Variants in SNX10 observed in about 807,000 individuals in gnomAD.
SNX10 encodes sorting nexin 10.
Under a neutral mutation model 28.5 loss-of-function variants are expected in SNX10, and 25 were observed. That is an observed-to-expected ratio of 0.88 (90% CI 0.64 to 1.22). The LOEUF is 1.22. SNX10 is among the 50% of genes most tolerant of loss of function. The pLI is 0.00. For missense variants in SNX10, 223 were observed against 242.6 expected (o/e 0.92, Z 0.54); for synonymous variants, 62 against 81.4 (o/e 0.76, Z 1.28).
intron 1 of SNX10, among the ~76,000 whole-genome samples, chr7:26,310,823 C>T (rs967028414): frequency 1.3e-5 from 2 of 152,134 alleles, no homozygotes; most frequent in Admixed American, 6.5e-5. Flanking sequence ...GCTGGAACTA[C>T]AGGCGCCTGC....
chr7:26,356,985 G>A, intron 2 of SNX10: 1 of 884,678 alleles, frequency 1.1e-6, no homozygotes, highest in Non-Finnish European at 1.5e-6. Flanking sequence ...CTTTCCTGAA[G>A]GCAGTTTGTT....
intron 1 of SNX10, among the ~76,000 whole-genome samples, chr7:26,309,837 G>C (rs1786751401): frequency 6.6e-6 from 1 of 152,090 alleles, no homozygotes; most frequent in Admixed American, 6.6e-5. Context: ...CACTTGATCA[G>C]CTGCACAGCC....
intron 2 of SNX10, chr7:26,357,011 T>G: frequency 2.6e-6 from 3 of 1,132,916 alleles, no homozygotes; most frequent in Non-Finnish European, 3.4e-6. Flanking sequence ...CTACAGGCAT[T>G]TATTTATTCA....
intron 1 of SNX10, among the ~76,000 whole-genome samples, chr7:26,344,760 C>T (rs1247588555): frequency 6.6e-6 from 1 of 152,202 alleles, no homozygotes; most frequent in Non-Finnish European, 1.5e-5. Context: ...TCTCCAGTTC[C>T]AACCCCAGTC....
Position 26,344,102 on chromosome 7 carries a change from G to T in SNX10, c.-23-2318G>T, listed in dbSNP as rs115022239. Reference sequence around the variant, plus strand: ...TTTCATCTTGCACAACTGAAACTCTGTACCCACTCAGCTGCCCCCCACCCC... The same window carrying T: ...TTTCATCTTGCACAACTGAAACTCTTTACCCACTCAGCTGCCCCCCACCCC... On this transcript the variant is annotated intron_variant, in intron 1 of 6. Transcript: ENST00000338523. Among the ~76,000 whole-genome samples the T allele has an allele frequency of 2.0e-3, 306 of 150,994 alleles. 1 individual carries two copies. Among genetic ancestry groups the T allele is most frequent in the African/African-American group, 7.0e-3 (286 of 41,004 alleles).
chr7:26,329,781 C>T (rs1222470113), intron 1 of SNX10, among the ~76,000 whole-genome samples: 4 of 152,108 alleles, frequency 2.6e-5, no homozygotes, highest in Non-Finnish European at 4.4e-5. Context: ...ACAGACGTGG[C>T]GGGATTTTTC....
rs535344340 is a variant in SNX10, at chr7:26,317,579, A to G, written c.-24+25493A>G. 1.2e-4 allele frequency among the ~76,000 whole-genome samples: 19 copies of G among 152,146 alleles called. No individual in the cohort carries two copies. In the South Asian group the frequency reaches 3.1e-3, roughly 25 times the overall value. On this transcript the variant is annotated intron_variant, in intron 1 of 6. Coordinates refer to ENST00000338523, the MANE Select transcript of SNX10 (RefSeq NM_013322.3). ...AGTCTCTTACTCTGTAGCAAGGGCC[A>G]CCAAATACCTGGGAATAATTAACTT...
chr7:26,351,865 C>A (rs1048343296), intron 2 of SNX10, among the ~76,000 whole-genome samples: 54 of 151,840 alleles, frequency 3.6e-4, no homozygotes, highest in African/African-American at 1.2e-3. Context: ...ACCATGTTAG[C>A]CAGGATGGTC....
intron 1 of SNX10, among the ~76,000 whole-genome samples, chr7:26,329,394 C>G (rs1277706184): frequency 6.6e-6 from 1 of 152,248 alleles, no homozygotes; most frequent in Non-Finnish European, 1.5e-5. Flanking sequence ...CTCTGAGAAG[C>G]CTTCCCTGAC....
At chr7:26,369,779 A>G (rs1789439061) in intron 5 of SNX10, among the ~76,000 whole-genome samples, 1 of 152,222 alleles carries the variant, frequency 6.6e-6, no homozygotes, top group South Asian at 2.1e-4. Flanking sequence ...TCTAATGTAC[A>G]GTAAAATTGG....
At chr7:26,346,024 C>T (rs939555891) in intron 1 of SNX10, among the ~76,000 whole-genome samples, 2 of 152,174 alleles carry the variant, frequency 1.3e-5, no homozygotes, top group African/African-American at 4.8e-5. Context: ...CCGGTAAAAG[C>T]GTCAGGGCTG....
Position 26,373,166 on chromosome 7 carries a change from TAG to T in SNX10, c.*598_*599del, listed in dbSNP as rs959506073. The T allele has an allele frequency of 1.3e-5, 2 of 152,106 alleles. No individual in the cohort carries two copies. Among genetic ancestry groups the T allele is most frequent in the African/African-American group, 2.4e-5 (1 of 41,442 alleles). The allele number at this position is 152,106 out of a possible 1,614,324, so 9.4% of individuals were successfully genotyped here. On this transcript the variant is annotated 3_prime_UTR_variant, in exon 7 of 7. Coordinates refer to ENST00000338523, the MANE Select transcript of SNX10 (RefSeq NM_013322.3). This position sits in a 1 kb window ranked among gnomAD's most constrained non-coding sequence, Gnocchi z 4.2. ...CTTAGATGGAAATGTATCTTATGAATAGAGACATATTAAAATAATGTTTACAT... is the reference window on the plus strand; with the variant it reads ...CTTAGATGGAAATGTATCTTATGAATAGACATATTAAAATAATGTTTACAT...
At chr7:26,294,009 A>C (rs1786020271) in intron 1 of SNX10, among the ~76,000 whole-genome samples, 1 of 152,214 alleles carries the variant, frequency 6.6e-6, no homozygotes, top group Non-Finnish European at 1.5e-5. Context: ...TTACTGGGGA[A>C]AATAACTTCT....
chr7:26,322,695 G>A (rs907575982), intron 1 of SNX10, among the ~76,000 whole-genome samples: 1 of 152,088 alleles, frequency 6.6e-6, no homozygotes, highest in South Asian at 2.1e-4. Flanking sequence ...GTATAAAATG[G>A]TCATTTTGCA....
At chr7:26,312,039 C>T (rs1190138013) in intron 1 of SNX10, among the ~76,000 whole-genome samples, 1 of 152,074 alleles carries the variant, frequency 6.6e-6, no homozygotes, top group Non-Finnish European at 1.5e-5. Flanking sequence ...TGTCATGGAA[C>T]AGTGCTTTAT....
chr7:26,333,968 A>G (rs1486141873), intron 1 of SNX10, among the ~76,000 whole-genome samples: 1 of 152,202 alleles, frequency 6.6e-6, no homozygotes, highest in African/African-American at 2.4e-5. Flanking sequence ...TACAAAGGCA[A>G]TCCGATTGGA....
At chr7:26,335,067 T>G (rs1365400237) in intron 1 of SNX10, among the ~76,000 whole-genome samples, 1 of 152,190 alleles carries the variant, frequency 6.6e-6, no homozygotes, top group Non-Finnish European at 1.5e-5. Context: ...AGTAAAGGGA[T>G]GCTTATGTTA....
chr7:26,374,237 A>T lies in SNX10; in HGVS notation c.*1665A>T, dbSNP rs938685863. 2 of 152,042 alleles carry T rather than the reference A, an allele frequency of 1.3e-5. No individual in the cohort carries two copies. Among genetic ancestry groups the T allele is most frequent in the Non-Finnish European group, 2.9e-5 (2 of 67,888 alleles). The allele number at this position is 152,042 out of a possible 1,614,324, so 9.4% of individuals were successfully genotyped here. ...TGTCATATTATTTTTAGATGATGTAACATAGCCATCAAAATTAATATTATG... is the reference window on the plus strand; with the variant it reads ...TGTCATATTATTTTTAGATGATGTATCATAGCCATCAAAATTAATATTATG... On this transcript the variant is annotated 3_prime_UTR_variant, in exon 7 of 7. Transcript: ENST00000338523.
chr7:26,301,018 CCAAAAAAA>C (rs1482768750), intron 1 of SNX10, among the ~76,000 whole-genome samples: 6 of 63,930 alleles, frequency 9.4e-5, no homozygotes, highest in African/African-American at 1.7e-4. Context: ...TACTCTGTCT[CCAAAAAAA>C]AAAAAAAAAA....
Sources: allele counts gnomAD v4.1 joint callset (sites outside exome capture counted in the v4.1 genomes callset), GRCh38; gene constraint gnomAD v4.1.1; non-coding constraint Gnocchi (gnomAD v3.1); transcripts MANE v1.5; gene names NCBI Gene and HGNC (gene_info 2026-07-23, HGNC 2026-07-21).